DVL3: variants seen among roughly 807,000 people sequenced by gnomAD.
The protein encoded by DVL3 is segment polarity protein dishevelled homolog DVL-3.
Under a neutral mutation model 67.4 loss-of-function variants are expected in DVL3, and 27 were observed. The observed-to-expected ratio is 0.40, with a 90% confidence interval of 0.30 to 0.55. The LOEUF (loss-of-function observed/expected upper bound fraction) is 0.55. DVL3 is among the 20% of genes least tolerant of loss of function. DVL3 has a pLI of 0.46. For synonymous variants in DVL3, 369 were observed against 396.8 expected (o/e 0.93, Z 0.83); for missense variants, 819 against 1,021.5 (o/e 0.80, Z 2.70).
rs1456138088 is a variant in DVL3, at chr3:184,166,848, C to T, written c.1071C>T (p.Asp357=). 6.2e-7 allele frequency: 1 copy of T among 1,614,066 alleles called. No individual in the cohort carries two copies. Among genetic ancestry groups the T allele is most frequent in the Non-Finnish European group, 8.5e-7 (1 of 1,179,980 alleles). ...CAGGCGAGCCCATCCGGCCCATTGA[C>T]CCTGCGGCCTGGGTCTCCCACACTG... ...LPRSEPIRPI[D]PAAWVSHTAA... Residue 357 remains aspartate (D), a synonymous_variant, in exon 11 of 15, where the codon GAC becomes GAT. Transcript: ENST00000313143. The surrounding 1 kb of genome is among the most constrained non-coding windows in gnomAD (Gnocchi z 6.7).
Position 184,170,951 on chromosome 3 carries a change from C to T in DVL3, c.*196C>T, listed in dbSNP as rs1467334080. 22 of 1,530,624 alleles carry T rather than the reference C, an allele frequency of 1.4e-5. No homozygotes were observed. Among genetic ancestry groups the T allele is most frequent in the Middle Eastern group, 1.7e-4 (1 of 5,920 alleles). 94.8% of individuals were successfully genotyped at this position (1,530,624 alleles called of 1,614,324 possible). On this transcript the variant is annotated 3_prime_UTR_variant, in exon 15 of 15. Coordinates refer to ENST00000313143, the MANE Select transcript of DVL3 (RefSeq NM_004423.4). This position sits in a 1 kb window ranked among gnomAD's most constrained non-coding sequence, Gnocchi z 6.5. The stretch of plus-strand genomic sequence containing the variant: ...ATTGGCTCTGCAGCCCCCTAACCTG[C>T]CTCTGGCCCCAGTTCGTTTCCTCTG...
At chr3:184,160,336 A>T (rs948228432) in intron 1 of DVL3, among the ~76,000 whole-genome samples, 1 of 152,162 alleles carries the variant, frequency 6.6e-6, no homozygotes, top group African/African-American at 2.4e-5. Context: ...AGTTAGAAAT[A>T]GTGTATGGAT....
Position 184,170,859 on chromosome 3 carries a change from TAAAAG to T in DVL3, c.*105_*109del, listed in dbSNP as rs1192229942. 2 of 1,554,304 alleles carry T rather than the reference TAAAAG, an allele frequency of 1.3e-6. No homozygotes were observed. The highest frequency in any genetic ancestry group is 1.7e-6 in the Non-Finnish European group (2 of 1,149,630). On this transcript the variant is annotated 3_prime_UTR_variant, in exon 15 of 15. Transcript: ENST00000313143. This position sits in a 1 kb window ranked among gnomAD's most constrained non-coding sequence, Gnocchi z 6.5. The stretch of plus-strand genomic sequence containing the variant: ...CTTTGTCTGGTACCTGAAAGGGAAA[TAAAAG>T]GAACTAAATCCAGGTGCGCTAACTG...
chr3:184,170,790 C>T lies in DVL3; in HGVS notation c.*35C>T. ...CTCCCCCAGCTCCATTCCGCTCCCA[C>T]CCCAGCCGGCTGCGTTCCTCTCTCC... On this transcript the variant is annotated 3_prime_UTR_variant, in exon 15 of 15. Transcript: ENST00000313143. This position sits in a 1 kb window ranked among gnomAD's most constrained non-coding sequence, Gnocchi z 6.5. 1 of 1,609,168 alleles carries T rather than the reference C, an allele frequency of 6.2e-7. No individual in the cohort carries two copies. The highest frequency in any genetic ancestry group is 1.1e-5 in the South Asian group (1 of 90,662).
chr3:184,166,540 C>CACTG lies in DVL3; in HGVS notation c.980+19_980+22dup. On this transcript the variant is annotated intron_variant, in intron 9 of 14. Transcript: ENST00000313143. This position sits in a 1 kb window ranked among gnomAD's most constrained non-coding sequence, Gnocchi z 6.7. ...AAACCGGGGTATGGATGGAATGGGG[C>CACTG]ACTGGGCAAGGGGCTTGGTCTGGCC... 6.2e-7 allele frequency: 1 copy of CACTG among 1,614,098 alleles called. No homozygotes were observed.
intron 1 of DVL3, among the ~76,000 whole-genome samples, chr3:184,157,978 T>C (rs1415734243): frequency 6.6e-6 from 1 of 152,348 alleles, no homozygotes; most frequent in South Asian, 2.1e-4. Flanking sequence ...TTTTCAAATC[T>C]TCACTCATTT....
rs775385632 is a variant in DVL3 at position 184,163,637 on chromosome 3, A to G, written c.162-20A>G. On this transcript the variant is annotated intron_variant, in intron 1 of 14. Transcript: ENST00000313143. The surrounding 1 kb of genome is among the most constrained non-coding windows in gnomAD (Gnocchi z 4.5). ...TTTGCACCCTAGAAGGTTCTCTGTG[A>G]CATCCCCCTTTCTCTGCAGAGTGGT... The G allele has an allele frequency of 7.4e-6, 12 of 1,612,556 alleles. No individual in the cohort carries two copies. In the South Asian group the frequency reaches 1.3e-4, roughly 18 times the overall value.
At position 184,164,620 on chromosome 3, in the gene DVL3, G is replaced by A. The variant is rs368403444; in HGVS notation, c.463+19G>A. ...GAGCATGGTATATCTTCCTGAACAC[G>A]GACACTGTCCGCACCTCACACCCTC... On this transcript the variant is annotated intron_variant, in intron 4 of 14. Coordinates refer to ENST00000313143, the MANE Select transcript of DVL3 (RefSeq NM_004423.4). This position sits in a 1 kb window ranked among gnomAD's most constrained non-coding sequence, Gnocchi z 5.3. The A allele has an allele frequency of 1.4e-5, 22 of 1,548,180 alleles. No homozygotes were observed. Among genetic ancestry groups the A allele is most frequent in the South Asian group, 1.0e-4 (8 of 79,986 alleles).
intron 13 of DVL3, among the ~76,000 whole-genome samples, chr3:184,168,696 T>C (rs1054459928): frequency 6.6e-5 from 10 of 152,268 alleles, no homozygotes; most frequent in African/African-American, 1.9e-4. Context: ...GAGGAATGTC[T>C]CATCTTAATA....
Position 184,170,955 on chromosome 3 carries a change from T to C in DVL3, c.*200T>C. The stretch of plus-strand genomic sequence containing the variant: ...GCTCTGCAGCCCCCTAACCTGCCTC[T>C]GGCCCCAGTTCGTTTCCTCTGCCCA... On this transcript the variant is annotated 3_prime_UTR_variant, in exon 15 of 15. Transcript: ENST00000313143. The surrounding 1 kb of genome is among the most constrained non-coding windows in gnomAD (Gnocchi z 6.5). 1.3e-6 allele frequency: 2 copies of C among 1,526,964 alleles called. No homozygotes were observed. The highest frequency in any genetic ancestry group is 1.2e-5 in the South Asian group (1 of 83,034). The allele number at this position is 1,526,964 out of a possible 1,614,324, so 94.6% of individuals were successfully genotyped here.
At chr3:184,160,194 G>A (rs1187092884) in intron 1 of DVL3, among the ~76,000 whole-genome samples, 4 of 149,824 alleles carry the variant, frequency 2.7e-5, no homozygotes, top group South Asian at 2.1e-4. Flanking sequence ...CTCATGATCC[G>A]CTCACCTTGG....
rs1233096990 is a variant in DVL3 at position 184,165,398 on chromosome 3, G to A, written c.694-24G>A. The A allele has an allele frequency of 3.7e-6, 6 of 1,612,944 alleles. No individual in the cohort carries two copies. The East Asian group carries it at 1.3e-4, about 36-fold the overall frequency. ...TGAATTCCTGCCACCTCCACCTGCT[G>A]CTCAGGGCCTCTGTCTATTCCAGTC... On this transcript the variant is annotated intron_variant, in intron 6 of 14. Transcript: ENST00000313143. The surrounding 1 kb of genome is among the most constrained non-coding windows in gnomAD (Gnocchi z 4.1).
In DVL3 at chr3:184,166,377, C is replaced by T; in HGVS notation, c.904-69C>T. 1 of 1,610,896 alleles carries T rather than the reference C, an allele frequency of 6.2e-7. No individual in the cohort carries two copies. Among genetic ancestry groups the T allele is most frequent in the East Asian group, 2.2e-5 (1 of 44,860 alleles). On this transcript the variant is annotated intron_variant, in intron 8 of 14. Coordinates refer to ENST00000313143, the MANE Select transcript of DVL3 (RefSeq NM_004423.4). The surrounding 1 kb of genome is among the most constrained non-coding windows in gnomAD (Gnocchi z 6.7). Reference sequence around the variant, plus strand: ...CTTGGTTGGGGGAAGACTCCCTGACCTACCAAGTTGAGTTCCCTTTTCATC... The same window carrying T: ...CTTGGTTGGGGGAAGACTCCCTGACTTACCAAGTTGAGTTCCCTTTTCATC...
Position 184,167,899 on chromosome 3 carries a change from C to G in DVL3, c.1332C>G (p.Gly444=). ...LKITIPNAFI[G]SDVVDWLYHN... ...ATCAACTGGCAGCCTTGTCCCCAGG[C>G]TCAGATGTGGTGGACTGGCTGTACC... Residue 444 remains glycine (G), a splice_region_variant and synonymous_variant, in exon 13 of 15, where the codon GGC becomes GGG. Transcript: ENST00000313143. This position sits in a 1 kb window ranked among gnomAD's most constrained non-coding sequence, Gnocchi z 4.6. 6.2e-7 allele frequency: 1 copy of G among 1,614,274 alleles called. No homozygotes were observed. Among genetic ancestry groups the G allele is most frequent in the East Asian group, 2.2e-5 (1 of 44,892 alleles).
rs911303907 is a variant in DVL3 at position 184,172,287 on chromosome 3, A to T, written c.*1532A>T. The T allele has an allele frequency of 6.6e-6, 1 of 152,218 alleles. No individual in the cohort carries two copies. The highest frequency in any genetic ancestry group is 2.1e-4 in the South Asian group (1 of 4,832). The allele number at this position is 152,218 out of a possible 1,614,324, so 9.4% of individuals were successfully genotyped here. A position where few individuals can be genotyped will look rare whatever the true frequency, so the allele number is the denominator to read the frequency against. ...CCTTATTCTCTACTTTAAACAAATC[A>T]TAACTTTCTCTTTAAGCCTCTGCTA... is the stretch of plus-strand genomic sequence containing the variant. On this transcript the variant is annotated 3_prime_UTR_variant, in exon 15 of 15. Coordinates refer to ENST00000313143, the MANE Select transcript of DVL3 (RefSeq NM_004423.4).
Position 184,163,580 on chromosome 3 carries a change from G to A in DVL3, c.162-77G>A. ...TTGATTCCCAGTTTAGGATGGAGGA[G>A]CCCCTGAGAGTTGGGATTTGAGGAT... is the stretch of plus-strand genomic sequence containing the variant. On this transcript the variant is annotated intron_variant, in intron 1 of 14. Transcript: ENST00000313143. The surrounding 1 kb of genome is among the most constrained non-coding windows in gnomAD (Gnocchi z 4.5). The A allele has an allele frequency of 8.1e-7, 1 of 1,235,206 alleles. No individual in the cohort carries two copies. Among genetic ancestry groups the A allele is most frequent in the Non-Finnish European group, 1.2e-6 (1 of 834,168 alleles). The allele number at this position is 1,235,206 out of a possible 1,614,324, so 76.5% of individuals were successfully genotyped here.
chr3:184,156,705 A>AC, intron 1 of DVL3: 1 of 311,734 alleles, frequency 3.2e-6, no homozygotes, highest in South Asian at 2.6e-5. Context: ...GCCTGGGAAG[A>AC]GGGGGGCCTG....
chr3:184,166,021 A>C lies in DVL3; in HGVS notation c.764-105A>C, dbSNP rs1714570409. On this transcript the variant is annotated intron_variant, in intron 7 of 14. Transcript: ENST00000313143. This position sits in a 1 kb window ranked among gnomAD's most constrained non-coding sequence, Gnocchi z 6.7. ...TGCTGAGTGCAGTGCCTGATTCAGG[A>C]TCAGCAAATGTCAGTTCAGTTCCTG... is the stretch of plus-strand genomic sequence containing the variant. The C allele has an allele frequency of 7.2e-7, 1 of 1,394,068 alleles. No homozygotes were observed. 86.4% of individuals were successfully genotyped at this position (1,394,068 alleles called of 1,614,324 possible).
At position 184,166,299 on chromosome 3, in the gene DVL3, A is replaced by G; in HGVS notation, c.903+34A>G. The G allele has an allele frequency of 6.2e-7, 1 of 1,608,542 alleles. No homozygotes were observed. ...GCCCATCCTAGGCGGTGGTGTGGAT[A>G]GAGGGCAGGGAGGTGTCCTACCATC... On this transcript the variant is annotated intron_variant, in intron 8 of 14. Transcript: ENST00000313143. The surrounding 1 kb of genome is among the most constrained non-coding windows in gnomAD (Gnocchi z 6.7).
Sources: gnomAD v4.1 joint callset for allele counts (sites outside exome capture counted in the v4.1 genomes callset) on GRCh38, gnomAD v4.1.1 for gene constraint, Gnocchi (gnomAD v3.1) non-coding constraint, MANE v1.5 for transcripts, NCBI Gene and HGNC (gene_info 2026-07-23, HGNC 2026-07-21) for gene names.